Variants in CMSS1 observed in about 807,000 individuals in gnomAD.
The protein encoded by CMSS1 is protein CMSS1.
In CMSS1, 33 loss-of-function variants were observed where a neutral mutation model predicts 43.5. That is an observed-to-expected ratio of 0.76 (90% CI 0.57 to 1.01). The LOEUF (loss-of-function observed/expected upper bound fraction) is 1.01, where lower values mean the gene tolerates loss of function less well. CMSS1 is among the 50% of genes least tolerant of loss of function. The pLI, the probability that CMSS1 is intolerant of heterozygous loss-of-function variation, is 0.00. For missense variants in CMSS1, 313 were observed against 326.4 expected, an observed-to-expected ratio of 0.96 and a Z score of 0.32; for synonymous variants, 115 against 117.2, an observed-to-expected ratio of 0.98 and a Z score of 0.12.
chr3:100,018,155 G>A (rs1001116678), intron 1 of CMSS1, among the ~76,000 whole-genome samples: 4 of 152,012 alleles, frequency 2.6e-5, no homozygotes, highest in Non-Finnish European at 2.9e-5. Flanking sequence ...GTGAAATCTC[G>A]TCTCTATTAA....
chr3:100,018,100 G>A (rs1190438763), intron 1 of CMSS1, among the ~76,000 whole-genome samples: 6 of 152,124 alleles, frequency 3.9e-5, no homozygotes, highest in Non-Finnish European at 7.4e-5. Flanking sequence ...AGGCCGAGGC[G>A]GGCAGATCAC....
At chr3:99,956,948 T>C (rs967006260) in intron 1 of CMSS1, among the ~76,000 whole-genome samples, 1 of 152,156 alleles carries the variant, frequency 6.6e-6, no homozygotes, top group African/African-American at 2.4e-5. Flanking sequence ...TCCAGGAACC[T>C]CTTCTTAAAG....
intron 1 of CMSS1, among the ~76,000 whole-genome samples, chr3:99,934,001 G>A (rs879700888): frequency 8.5e-5 from 13 of 152,258 alleles, no homozygotes; most frequent in African/African-American, 2.2e-4. Context: ...GGTCTAAGAC[G>A]GGCTCTCACG....
intron 1 of CMSS1, among the ~76,000 whole-genome samples, chr3:99,873,280 CA>C (rs1304701564): frequency 6.6e-6 from 1 of 152,136 alleles, no homozygotes; most frequent in Non-Finnish European, 1.5e-5. Flanking sequence ...TGGTCAAATA[CA>C]AATTAAATGG....
intron 1 of CMSS1, among the ~76,000 whole-genome samples, chr3:100,086,640 G>A (rs2066014546): frequency 6.6e-6 from 1 of 152,192 alleles, no homozygotes. Context: ...GCAATTTAGT[G>A]TAGAGCCTCT....
At chr3:99,941,344 C>G (rs1707845114) in intron 1 of CMSS1, among the ~76,000 whole-genome samples, 1 of 152,116 alleles carries the variant, frequency 6.6e-6, no homozygotes, top group Non-Finnish European at 1.5e-5. Flanking sequence ...AAATAATGTT[C>G]AATGCACAAA....
intron 1 of CMSS1, among the ~76,000 whole-genome samples, chr3:100,107,542 C>A (rs568227527): frequency 6.6e-6 from 1 of 152,120 alleles, no homozygotes; most frequent in African/African-American, 2.4e-5. Context: ...ACTAACCTAA[C>A]CACTAAACGA....
At chr3:99,987,788 T>C (rs1418665909) in intron 1 of CMSS1, among the ~76,000 whole-genome samples, 1 of 152,180 alleles carries the variant, frequency 6.6e-6, no homozygotes, top group African/African-American at 2.4e-5. Flanking sequence ...ATATGTCCAA[T>C]GAGCAAGTCA....
intron 1 of CMSS1, among the ~76,000 whole-genome samples, chr3:99,967,407 C>T (rs563415318): frequency 2.0e-5 from 3 of 152,268 alleles, no homozygotes; most frequent in African/African-American, 4.8e-5. Context: ...GAAGTGTTCA[C>T]TTTTTGGAAA....
At chr3:99,994,760 A>G (rs1281911435) in intron 1 of CMSS1, among the ~76,000 whole-genome samples, 1 of 152,206 alleles carries the variant, frequency 6.6e-6, no homozygotes, top group African/African-American at 2.4e-5. Context: ...GGCACTTCTT[A>G]CATGGGGGTG....
chr3:100,006,372 A>G (rs1709985740), intron 1 of CMSS1, among the ~76,000 whole-genome samples: 1 of 152,082 alleles, frequency 6.6e-6, no homozygotes, highest in Admixed American at 6.6e-5. Flanking sequence ...CTTCCTTTGA[A>G]TACCTTTGCC....
At chr3:100,137,192 T>C (rs1395563704) in intron 1 of CMSS1, among the ~76,000 whole-genome samples, 1 of 152,264 alleles carries the variant, frequency 6.6e-6, no homozygotes, top group Non-Finnish European at 1.5e-5. Context: ...TGAGTAATTT[T>C]AGCAAAACAC....
intron 1 of CMSS1, among the ~76,000 whole-genome samples, chr3:100,059,737 T>A (rs1272369738): frequency 6.6e-6 from 1 of 152,212 alleles, no homozygotes; most frequent in Non-Finnish European, 1.5e-5. Context: ...ACCATCCATA[T>A]GTGCCGGCCT....
chr3:100,049,960 C>G (rs1230183319), intron 1 of CMSS1, among the ~76,000 whole-genome samples: 2 of 152,120 alleles, frequency 1.3e-5, no homozygotes, highest in Admixed American at 1.3e-4. Flanking sequence ...GTCAGTGACC[C>G]TAACTTCTGA....
At chr3:99,985,171 TA>T (rs1161062987) in intron 1 of CMSS1, among the ~76,000 whole-genome samples, 6 of 152,050 alleles carry the variant, frequency 3.9e-5, no homozygotes, top group Non-Finnish European at 5.9e-5. Context: ...AAAATCATCC[TA>T]GGGGGTCAAA....
At chr3:99,989,692 T>TC (rs2107127146) in intron 1 of CMSS1, among the ~76,000 whole-genome samples, 2 of 149,780 alleles carry the variant, frequency 1.3e-5, no homozygotes, top group South Asian at 4.2e-4. Flanking sequence ...ATATTTTTTT[T>TC]CTTTTTTTTG....
chr3:99,930,084 C>A, intron 1 of CMSS1: 1 of 1,443,688 alleles, frequency 6.9e-7, no homozygotes, highest in South Asian at 1.4e-5. Context: ...GCAGTCTCAG[C>A]AAGTGATTTT....
chr3:99,832,371 C>T (rs1467989949), intron 1 of CMSS1, among the ~76,000 whole-genome samples: 1 of 151,146 alleles, frequency 6.6e-6, no homozygotes, highest in Non-Finnish European at 1.5e-5. Flanking sequence ...GCTGGGACCA[C>T]AGGCGACCGC....
At chr3:99,818,135 G>A in intron 1 of CMSS1, 92 bp downstream of exon 1, 1 of 1,259,796 alleles carries the variant, frequency 7.9e-7, no homozygotes, top group Non-Finnish European at 1.1e-6. Flanking sequence ...CGCGGTGTTT[G>A]CCCAGCAGGG....
Sources: gnomAD v4.1 joint callset for allele counts (sites outside exome capture counted in the v4.1 genomes callset) on GRCh38, gnomAD v4.1.1 for gene constraint, MANE v1.5 for transcripts, NCBI Gene and HGNC (gene_info 2026-07-23, HGNC 2026-07-21) for gene names.